The following NUP188 variants were observed in gnomAD, a reference collection of about 807,000 sequenced individuals.
NUP188 encodes nucleoporin 188.
A neutral mutation model predicts 223.0 loss-of-function variants in NUP188; 97 were observed. The ratio of observed to expected loss-of-function variants is 0.43; its 90% CI spans 0.37 to 0.51. The LOEUF (loss-of-function observed/expected upper bound fraction) is 0.51, where lower values mean the gene tolerates loss of function less well. Among genes scored for constraint, NUP188 ranks in the 20% least tolerant of loss-of-function variants. The probability of loss-of-function intolerance (pLI) is 0.00; values close to 1 mark genes in which losing one functional copy is unlikely to be tolerated. For missense variants in NUP188, 1,947 were observed against 2,175.6 expected (o/e 0.89, Z 2.09); for synonymous variants, 869 against 828.0 (o/e 1.05, Z -0.85).
chr9:128,961,589 T>TAGATAGATAG lies in NUP188; in HGVS notation c.585+2455_585+2456insAGATAGATAG, dbSNP rs1455020145. On this transcript the variant is annotated intron_variant, in intron 8 of 43. Transcript: ENST00000372577. ...ATCTATATCTATATCTATCTATCTA[T>TAGATAGATAG]CTAGATAGATAGATAGATAGATAGA... Among the ~76,000 whole-genome samples the TAGATAGATAG allele has an allele frequency of 7.2e-3, 853 of 118,852 alleles. 12 individuals carry two copies. The highest frequency in any genetic ancestry group is 0.038 in the African/African-American group (801 of 20,956). 78.0% of individuals were successfully genotyped at this position (118,852 alleles called of 152,430 possible). A position where few individuals can be genotyped will look rare whatever the true frequency, so the allele number is the denominator to read the frequency against.
intron 8 of NUP188, 148 bp from the exon 9 acceptor site, chr9:128,968,358 T>C: frequency 3.2e-6 from 2 of 628,546 alleles, no homozygotes; most frequent in South Asian, 4.0e-5. Flanking sequence ...GGAGGATCAG[T>C]TGCGTGTAGC....
intron 37 of NUP188, 141 bp downstream of exon 37, chr9:129,003,116 C>T: frequency 9.0e-7 from 1 of 1,112,486 alleles, no homozygotes; most frequent in Non-Finnish European, 1.3e-6. Flanking sequence ...GCTCTAAGTA[C>T]TCTGCTGGCT....
At position 128,970,829 on chromosome 9, in the gene NUP188, C is replaced by T. The variant is rs1380563457; in HGVS notation, c.984C>T (p.Leu328=). The part of the protein sequence containing the change: ...HHAPVLLAWA[L]LRHTLNPEET... ...CCCCAGTGCTTTTGGCCTGGGCTCT[C>T]CTCCGTCACACTCTGAACCCAGAAG... The change falls in exon 11 of 44, where the codon CTC becomes CTT. Residue 328 remains leucine (L), a synonymous_variant. Coordinates refer to ENST00000372577, the MANE Select transcript of NUP188 (RefSeq NM_015354.3). 5 of 1,614,154 alleles carry T rather than the reference C, an allele frequency of 3.1e-6. No individual in the cohort carries two copies. In the Admixed American group the frequency reaches 5.0e-5, roughly 16 times the overall value.
chr9:128,949,366 CTT>C (rs1474272051), intron 2 of NUP188, 123 bp downstream of exon 2: 7 of 678,872 alleles, frequency 1.0e-5, no homozygotes, highest in African/African-American at 3.7e-5. Context: ...GAGTTTCGCT[CTT>C]GTTTCCCAGG....
At chr9:128,962,971 A>T (rs954994407) in intron 8 of NUP188, among the ~76,000 whole-genome samples, 1 of 152,220 alleles carries the variant, frequency 6.6e-6, no homozygotes, top group Non-Finnish European at 1.5e-5. Flanking sequence ...TATAAATAGA[A>T]CCACACAATA....
intron 28 of NUP188, 59 bp downstream of exon 28, chr9:128,994,501 G>A (rs1052137198): frequency 7.7e-6 from 9 of 1,161,680 alleles, no homozygotes; most frequent in Non-Finnish European, 1.2e-5. Flanking sequence ...AAGGCTGTGG[G>A]CTGTGAGATG....
chr9:129,006,688 G>A lies in NUP188; in HGVS notation c.*10G>A. 1.9e-6 allele frequency: 3 copies of A among 1,608,018 alleles called. No homozygotes were observed. Among genetic ancestry groups the A allele is most frequent in the Non-Finnish European group, 1.7e-6 (2 of 1,178,052 alleles). ...GCATATGCAAAGATAGGGCAGTGCT[G>A]TTCTGCCCACCTACCCCTCTCCACC... On this transcript the variant is annotated 3_prime_UTR_variant, in exon 44 of 44. Coordinates refer to ENST00000372577, the MANE Select transcript of NUP188 (RefSeq NM_015354.3).
At chr9:128,972,235 A>G (rs976432460) in intron 11 of NUP188, among the ~76,000 whole-genome samples, 2 of 152,278 alleles carry the variant, frequency 1.3e-5, no homozygotes, top group African/African-American at 4.8e-5. Context: ...AAACTGTTGT[A>G]CATCTAGATG....
In NUP188 at chr9:128,998,337, G is replaced by A. The variant is rs538405362; in HGVS notation, c.3429+109G>A. The A allele has an allele frequency of 1.6e-5, 18 of 1,115,162 alleles. No individual in the cohort carries two copies. In the East Asian group the frequency reaches 4.2e-4, roughly 26 times the overall value. The allele number at this position is 1,115,162 out of a possible 1,614,324, so 69.1% of individuals were successfully genotyped here. On this transcript the variant is annotated intron_variant, in intron 31 of 43. Transcript: ENST00000372577. ...AGCCGCACAAATAGTCAGGTCACAG[G>A]GCTCACGTTGGCCTGGGAGGCCTGA...
intron 1 of NUP188, 106 bp downstream of exon 1, chr9:128,947,857 CA>C: frequency 8.9e-7 from 1 of 1,118,218 alleles, no homozygotes; most frequent in Non-Finnish European, 1.2e-6. Flanking sequence ...GTGGCAGGGC[CA>C]ACCCCGGCTG....
Position 128,952,823 on chromosome 9 carries a change from G to T in NUP188, c.138G>T (p.Gly46=), listed in dbSNP as rs748159732. ...LNKHWRRLLE[G]LSYYKPPSPS... ...AACATTGGCGGCGATTGTTAGAGGG[G>T]CTTTCTTACTACAAACCTCCCAGGT... The change falls in exon 3 of 44, where the codon GGG becomes GGT. Residue 46 remains glycine (G), a synonymous_variant. Transcript: ENST00000372577. 1 of 1,613,722 alleles carries T rather than the reference G, an allele frequency of 6.2e-7. No homozygotes were observed. Among genetic ancestry groups the T allele is most frequent in the African/African-American group, 1.3e-5 (1 of 74,898 alleles).
In NUP188 at chr9:128,986,829, A is replaced by T; in HGVS notation, c.2218A>T (p.Ile740Phe). 6.2e-7 allele frequency: 1 copy of T among 1,614,118 alleles called. No individual in the cohort carries two copies. Among genetic ancestry groups the T allele is most frequent in the Non-Finnish European group, 8.5e-7 (1 of 1,180,012 alleles). ...EQIGCLILELIHAILNLCHET... is the reference protein window; with the variant it reads ...EQIGCLILELFHAILNLCHET... ...TCCAGGTTGCCTGATCTTGGAGCTG[A>T]TTCATGCGATACTGAACCTGTGCCA... The change falls in exon 22 of 44, where the codon ATT becomes TTT. Residue 740 changes from isoleucine (I) to phenylalanine (F), a missense_variant. Coordinates refer to ENST00000372577, the MANE Select transcript of NUP188 (RefSeq NM_015354.3).
chr9:128,964,191 T>G (rs1384251956), intron 8 of NUP188: 1 of 299,882 alleles, frequency 3.3e-6, no homozygotes, highest in African/African-American at 2.3e-5. Context: ...TACTTACACC[T>G]TCTTCAGTCA....
At chr9:128,983,668 T>TG (rs1178828292) in intron 19 of NUP188, 118 bp downstream of exon 19, 5 of 756,358 alleles carry the variant, frequency 6.6e-6, no homozygotes, top group Non-Finnish European at 1.1e-5. Flanking sequence ...TTTTTTGAGA[T>TG]GGAGTCTCAC....
chr9:129,002,054 T>A (rs1463767210), intron 36 of NUP188, 78 bp downstream of exon 36: 1 of 1,171,194 alleles, frequency 8.5e-7, no homozygotes, highest in Non-Finnish European at 1.3e-6. Context: ...CCCCTACCTT[T>A]CCCCGGAAGT....
rs556195980 is a variant in NUP188, at chr9:128,989,255, G to T, written c.2534-865G>T. Among the ~76,000 whole-genome samples, 8 of 152,272 alleles carry T rather than the reference G, an allele frequency of 5.3e-5. No homozygotes were observed. The South Asian group carries it at 1.7e-3, about 32-fold the overall frequency. On this transcript the variant is annotated intron_variant, in intron 24 of 43. Coordinates refer to ENST00000372577, the MANE Select transcript of NUP188 (RefSeq NM_015354.3). ...ATACCAAAACAAACAAAAAAAAGTAGCTGGGCCTGGTGGCATATGCCTGTG... is the reference window on the plus strand; with the variant it reads ...ATACCAAAACAAACAAAAAAAAGTATCTGGGCCTGGTGGCATATGCCTGTG...
At position 128,987,088 on chromosome 9, in the gene NUP188, AGTGTGTGTGTGTGT is replaced by A. The variant is rs376346210; in HGVS notation, c.2264+244_2264+257del. On this transcript the variant is annotated intron_variant, in intron 22 of 43. Coordinates refer to ENST00000372577, the MANE Select transcript of NUP188 (RefSeq NM_015354.3). ...ATGAGAGAGAGAGAGAGAGAGAGAG[AGTGTGTGTGTGTGT>A]GTGTGTGTGTGTGTGTGTGTGTGTG... 2.6e-4 allele frequency among the ~76,000 whole-genome samples: 30 copies of A among 113,260 alleles called. 1 individual carries two copies. The highest frequency in any genetic ancestry group is 6.3e-4 in the South Asian group (2 of 3,166). 74.3% of individuals were successfully genotyped at this position (113,260 alleles called of 152,430 possible).
chr9:128,983,677 A>C (rs1837073011), intron 19 of NUP188, 127 bp downstream of exon 19: 8 of 705,454 alleles, frequency 1.1e-5, no homozygotes, highest in South Asian at 1.1e-4. Context: ...ATGGAGTCTC[A>C]CTCTGTTGCC....
chr9:128,979,653 G>A (rs1842228304), intron 13 of NUP188, among the ~76,000 whole-genome samples: 1 of 151,698 alleles, frequency 6.6e-6, no homozygotes, highest in Non-Finnish European at 1.5e-5. Context: ...TGTTTTTTGA[G>A]ATGGAGTCTT....
Sources: gnomAD v4.1 joint callset for allele counts (sites outside exome capture counted in the v4.1 genomes callset) on GRCh38, gnomAD v4.1.1 for gene constraint, MANE v1.5 for transcripts, NCBI Gene and HGNC (gene_info 2026-07-23, HGNC 2026-07-21) for gene names.